The following RAP1A variants were observed in gnomAD, a reference collection of about 807,000 sequenced individuals.
RAP1A encodes the protein ras-related protein Rap-1A.
A neutral mutation model predicts 26.4 loss-of-function variants in RAP1A; 6 were observed. The ratio of observed to expected loss-of-function variants is 0.23; its 90% CI spans 0.12 to 0.45. The LOEUF (loss-of-function observed/expected upper bound fraction) is 0.45, where lower values mean the gene tolerates loss of function less well. Among genes scored for constraint, RAP1A ranks in the 20% least tolerant of loss-of-function variants. RAP1A has a pLI of 0.99. For missense variants in RAP1A, 121 were observed against 217.2 expected (o/e 0.56, Z 2.78); for synonymous variants, 73 against 79.4 (o/e 0.92, Z 0.43).
chr1:111,653,077 A>G (rs371666517), intron 1 of RAP1A, among the ~76,000 whole-genome samples: 2 of 152,376 alleles, frequency 1.3e-5, no homozygotes, highest in East Asian at 3.9e-4. Flanking sequence ...TGATTTAGCC[A>G]TAAAAAGGAA....
At chr1:111,582,676 GT>G (rs1393250280) in intron 1 of RAP1A, among the ~76,000 whole-genome samples, 2 of 152,326 alleles carry the variant, frequency 1.3e-5, no homozygotes, top group Admixed American at 1.3e-4. Context: ...TCTCTAGCTT[GT>G]TAACTGTAAT....
intron 1 of RAP1A, among the ~76,000 whole-genome samples, chr1:111,670,344 T>G (rs1029725578): frequency 1.3e-5 from 2 of 151,942 alleles, no homozygotes; most frequent in Admixed American, 1.3e-4. Context: ...CGTGGTGGCA[T>G]GCACCTGTAG....
At chr1:111,697,297 C>T in intron 3 of RAP1A, 144 bp from the exon 4 acceptor site, 1 of 1,484,674 alleles carries the variant, frequency 6.7e-7, no homozygotes, top group African/African-American at 1.4e-5. Context: ...ATTGTGGTAC[C>T]AAGTTTACCC....
intron 1 of RAP1A, chr1:111,627,638 A>G (rs142075574): frequency 2.0e-5 from 3 of 152,222 alleles, no homozygotes; most frequent in Non-Finnish European, 4.4e-5. Flanking sequence ...AAATCCTCAT[A>G]TTATTAATAA....
At chr1:111,706,053 A>G (rs989573569) in intron 6 of RAP1A, among the ~76,000 whole-genome samples, 1 of 152,216 alleles carries the variant, frequency 6.6e-6, no homozygotes, top group Non-Finnish European at 1.5e-5. Context: ...CCAATGCAGC[A>G]GAGATACTTT....
chr1:111,628,466 G>A (rs765229049), intron 1 of RAP1A, among the ~76,000 whole-genome samples: 2 of 152,152 alleles, frequency 1.3e-5, no homozygotes, highest in African/African-American at 2.4e-5. Context: ...TATGGAGATT[G>A]GGGCTAGACT....
intron 1 of RAP1A, among the ~76,000 whole-genome samples, chr1:111,551,810 T>C (rs995586779): frequency 6.6e-6 from 1 of 152,012 alleles, no homozygotes; most frequent in Non-Finnish European, 1.5e-5. Flanking sequence ...TGCAACTTTA[T>C]TGGGGCATGC....
chr1:111,690,061 A>AT (rs1027561831), intron 1 of RAP1A, among the ~76,000 whole-genome samples: 5 of 150,666 alleles, frequency 3.3e-5, no homozygotes, highest in Admixed American at 1.3e-4. Flanking sequence ...GAGTGGTGGA[A>AT]TTTTTTTTTT....
At position 111,653,104 on chromosome 1, in the gene RAP1A, C is replaced by T. The variant is rs573849394; in HGVS notation, c.-28+33170C>T. Among the ~76,000 whole-genome samples the T allele has an allele frequency of 2.6e-5, 4 of 152,300 alleles. No individual in the cohort carries two copies. In the South Asian group the frequency reaches 8.3e-4, roughly 32 times the overall value. On this transcript the variant is annotated intron_variant, in intron 1 of 7. Transcript: ENST00000369709. ...AAAAAGGAATGAAATACTGACACAACTTCAACATCGATGAACCTTGGAAGC... is the reference window on the plus strand; with the variant it reads ...AAAAAGGAATGAAATACTGACACAATTTCAACATCGATGAACCTTGGAAGC...
intron 1 of RAP1A, among the ~76,000 whole-genome samples, chr1:111,573,631 G>A (rs939004847): frequency 2.0e-5 from 3 of 152,028 alleles, no homozygotes; most frequent in Admixed American, 6.6e-5. Context: ...CACTGCGCCC[G>A]GCCTTGACTT....
intron 7 of RAP1A, among the ~76,000 whole-genome samples, chr1:111,710,027 C>T (rs969085739): frequency 2.6e-5 from 4 of 152,168 alleles, no homozygotes; most frequent in Admixed American, 1.3e-4. Context: ...AGATCATATA[C>T]TATACATATG....
chr1:111,546,206 AT>A (rs1226965475), intron 1 of RAP1A, among the ~76,000 whole-genome samples: 1 of 152,156 alleles, frequency 6.6e-6, no homozygotes, highest in African/African-American at 2.4e-5. Context: ...CTGCAGAGCA[AT>A]TTAGAAAGTA....
chr1:111,568,443 A>G (rs1286657764), intron 1 of RAP1A, among the ~76,000 whole-genome samples: 4 of 152,172 alleles, frequency 2.6e-5, no homozygotes, highest in East Asian at 1.9e-4. Context: ...GAACTCACTC[A>G]TCACCAAGGG....
chr1:111,648,824 C>T (rs1365239389), intron 1 of RAP1A: 5 of 693,546 alleles, frequency 7.2e-6, no homozygotes, highest in African/African-American at 3.5e-5. Flanking sequence ...TGTATTGGGC[C>T]GAGATGTCTG....
intron 1 of RAP1A, among the ~76,000 whole-genome samples, 194 bp downstream of exon 1, chr1:111,620,128 C>T (rs1176856488): frequency 6.6e-6 from 1 of 152,120 alleles, no homozygotes; most frequent in South Asian, 2.1e-4. Flanking sequence ...GGAGGCCCGG[C>T]CGCCGCCAGG....
chr1:111,615,152 G>T (rs568654764), upstream of RAP1A, among the ~76,000 whole-genome samples: 1 of 152,206 alleles, frequency 6.6e-6, no homozygotes, highest in African/African-American at 2.4e-5. Context: ...ATAGTGAAAG[G>T]TAAGGCTAGA....
At chr1:111,660,121 T>A (rs1660584028) in intron 1 of RAP1A, among the ~76,000 whole-genome samples, 1 of 152,214 alleles carries the variant, frequency 6.6e-6, no homozygotes, top group Admixed American at 6.5e-5. Context: ...TTCTCTCCAT[T>A]TTTGTTTGAA....
chr1:111,591,139 G>C (rs1393402236), intron 1 of RAP1A, among the ~76,000 whole-genome samples: 1 of 151,978 alleles, frequency 6.6e-6, no homozygotes, highest in African/African-American at 2.4e-5. Context: ...TTTTTCTAGG[G>C]AACTGGCCAT....
chr1:111,641,652 C>T (rs563908325), intron 1 of RAP1A, among the ~76,000 whole-genome samples: 1 of 151,896 alleles, frequency 6.6e-6, no homozygotes, highest in East Asian at 1.9e-4. Flanking sequence ...TGTGTGTGCG[C>T]GCGCATGCAC....
Sources: gnomAD v4.1 joint callset for allele counts (sites outside exome capture counted in the v4.1 genomes callset) on GRCh38, gnomAD v4.1.1 for gene constraint, MANE v1.5 for transcripts, NCBI Gene and HGNC (gene_info 2026-07-23, HGNC 2026-07-21) for gene names.